The following PPM1L variants were observed in gnomAD, a reference collection of about 807,000 sequenced individuals.
The protein encoded by PPM1L is protein phosphatase 1L.
In PPM1L, 13 loss-of-function variants were observed where a neutral mutation model predicts 31.4. The observed-to-expected ratio is 0.41, with a 90% CI of 0.27 to 0.66. PPM1L has a LOEUF of 0.66. Among genes scored for constraint, PPM1L ranks in the 30% least tolerant of loss-of-function variants. The pLI is 0.29. For missense variants in PPM1L, 326 were observed against 453.7 expected, an observed-to-expected ratio of 0.72 and a Z score of 2.56; for synonymous variants, 184 against 175.4, an observed-to-expected ratio of 1.05 and a Z score of -0.39.
chr3:160,869,754 GT>G (rs1712234501), intron 1 of PPM1L, among the ~76,000 whole-genome samples: 1 of 151,680 alleles, frequency 6.6e-6, no homozygotes, highest in African/African-American at 2.4e-5. Flanking sequence ...ACAAATATTT[GT>G]AGGTATGTAA....
chr3:161,020,624 C>A (rs1019371081), intron 2 of PPM1L, among the ~76,000 whole-genome samples: 1 of 152,134 alleles, frequency 6.6e-6, no homozygotes, highest in East Asian at 1.9e-4. Context: ...AATTGGTTGG[C>A]ATTAATTCTT....
intron 1 of PPM1L, among the ~76,000 whole-genome samples, chr3:160,960,953 G>T (rs1426416572): frequency 6.6e-6 from 1 of 152,112 alleles, no homozygotes; most frequent in Non-Finnish European, 1.5e-5. Flanking sequence ...CATGTGGAAC[G>T]TGCTTACCTG....
chr3:160,970,948 G>T (rs1273924970), intron 2 of PPM1L, among the ~76,000 whole-genome samples: 1 of 151,676 alleles, frequency 6.6e-6, no homozygotes, highest in Non-Finnish European at 1.5e-5. Flanking sequence ...CCGCCACCTC[G>T]CCCGGCTAAT....
At chr3:160,881,547 T>A (rs1306176803) in intron 1 of PPM1L, among the ~76,000 whole-genome samples, 1 of 152,208 alleles carries the variant, frequency 6.6e-6, no homozygotes, top group Non-Finnish European at 1.5e-5. Flanking sequence ...GATGGTGGAA[T>A]CCTCCAGCAT....
intron 1 of PPM1L, among the ~76,000 whole-genome samples, chr3:160,877,182 A>G (rs150643356): frequency 2.0e-5 from 3 of 152,368 alleles, no homozygotes; most frequent in East Asian, 3.9e-4. Context: ...GGGTATAAAT[A>G]TATCTTCAAA....
intron 2 of PPM1L, among the ~76,000 whole-genome samples, chr3:160,998,188 A>G (rs770939922): frequency 2.0e-5 from 3 of 152,200 alleles, no homozygotes; most frequent in Non-Finnish European, 2.9e-5. Flanking sequence ...ATTAAAAATG[A>G]CATAATGAAA....
intron 2 of PPM1L, among the ~76,000 whole-genome samples, chr3:161,025,406 T>TA (rs933810076): frequency 1.1e-4 from 16 of 151,490 alleles, no homozygotes; most frequent in Admixed American, 4.6e-4. Flanking sequence ...TCTAAAAACT[T>TA]AAAAAAAATA....
chr3:160,814,691 A>G (rs910262487), intron 1 of PPM1L, among the ~76,000 whole-genome samples: 4 of 115,568 alleles, frequency 3.5e-5, no homozygotes, highest in East Asian at 2.8e-4. Flanking sequence ...GGTATATACC[A>G]TACGTATATG....
chr3:160,957,752 A>G (rs1050261900), intron 1 of PPM1L, among the ~76,000 whole-genome samples: 1 of 151,528 alleles, frequency 6.6e-6, no homozygotes, highest in African/African-American at 2.4e-5. Flanking sequence ...AATTTTTTGT[A>G]TTTTTAGTAG....
intron 1 of PPM1L, among the ~76,000 whole-genome samples, chr3:160,903,211 T>TGC (rs1713619233): frequency 9.1e-6 from 1 of 110,218 alleles, no homozygotes; most frequent in African/African-American, 6.4e-5. Context: ...TGTATGTTTG[T>TGC]GTGTGTGTGT....
intron 1 of PPM1L, among the ~76,000 whole-genome samples, chr3:160,814,934 T>C (rs1330151499): frequency 6.6e-6 from 1 of 152,018 alleles, no homozygotes; most frequent in Non-Finnish European, 1.5e-5. Context: ...CTCTCACTTA[T>C]AAATGGGAGC....
intron 2 of PPM1L, among the ~76,000 whole-genome samples, chr3:161,026,547 T>C (rs1460935845): frequency 6.6e-6 from 1 of 151,858 alleles, no homozygotes; most frequent in Non-Finnish European, 1.5e-5. Context: ...AATACAAAAA[T>C]TAGCTGGGCA....
At chr3:160,944,786 T>TATATAAC (rs1284489744) in intron 1 of PPM1L, among the ~76,000 whole-genome samples, 2 of 44,714 alleles carry the variant, frequency 4.5e-5, no homozygotes, top group East Asian at 3.1e-4. Context: ...TATTATATTA[T>TATATAAC]ATATGTTATA....
Position 160,842,334 on chromosome 3 carries a change from G to A in PPM1L, c.399+85627G>A, listed in dbSNP as rs1408688084. The A allele has an allele frequency of 1.1e-5, 8 of 701,522 alleles. No individual in the cohort carries two copies. In the East Asian group the frequency reaches 1.9e-4, roughly 16 times the overall value. The allele number at this position is 701,522 out of a possible 1,614,324, so 43.5% of individuals were successfully genotyped here. On this transcript the variant is annotated intron_variant, in intron 1 of 3. Transcript: ENST00000498165. ...GGCTCTAATAGAGGACTCATGATGG[G>A]GGGTAATGAATAATGGGAAATAAAA...
intron 1 of PPM1L, among the ~76,000 whole-genome samples, chr3:160,897,484 C>T (rs935499): frequency 0.075 from 11,365 of 152,210 alleles, 528 homozygotes; most frequent in African/African-American, 0.12. Flanking sequence ...CACATTAGTT[C>T]GTCCTTAACC....
At chr3:160,932,841 A>G (rs969156992) in intron 1 of PPM1L, among the ~76,000 whole-genome samples, 3 of 152,126 alleles carry the variant, frequency 2.0e-5, no homozygotes, top group Non-Finnish European at 4.4e-5. Flanking sequence ...CTGCTAAACG[A>G]CCTGGGGAAT....
In PPM1L at chr3:160,974,401, T is replaced by G. The variant is rs529760447; in HGVS notation, c.574+12491T>G. Among the ~76,000 whole-genome samples the G allele has an allele frequency of 4.3e-4, 65 of 152,164 alleles. No individual in the cohort carries two copies. The Middle Eastern group carries it at 0.017, about 40-fold the overall frequency. ...GGTGTATATCCAGTAATGGGATGGC[T>G]GGGTCAAATGGTATTTCTAGTTCTA... is the stretch of plus-strand genomic sequence containing the variant. On this transcript the variant is annotated intron_variant, in intron 2 of 3. Coordinates refer to ENST00000498165, the MANE Select transcript of PPM1L (RefSeq NM_139245.4).
intron 2 of PPM1L, among the ~76,000 whole-genome samples, chr3:160,982,580 A>C (rs915837011): frequency 3.1e-4 from 47 of 152,194 alleles, no homozygotes; most frequent in African/African-American, 1.1e-3. Context: ...TTGCTTTTAT[A>C]TTTCACTTTA....
intron 1 of PPM1L, among the ~76,000 whole-genome samples, chr3:160,882,512 A>G (rs1003440755): frequency 2.1e-4 from 32 of 152,330 alleles, no homozygotes; most frequent in African/African-American, 7.2e-4. Context: ...GTAAAATCAA[A>G]AAGATATTGG....
Sources: allele counts gnomAD v4.1 joint callset (sites outside exome capture counted in the v4.1 genomes callset), GRCh38; gene constraint gnomAD v4.1.1; transcripts MANE v1.5; gene names NCBI Gene and HGNC (gene_info 2026-07-23, HGNC 2026-07-21).